MED13L: variants seen among roughly 807,000 people sequenced by gnomAD.
MED13L encodes the protein mediator complex subunit 13L, also known as mediator of RNA polymerase II transcription subunit 13-like.
A neutral mutation model predicts 220.9 loss-of-function variants in MED13L; 7 were observed. The ratio of observed to expected loss-of-function variants is 0.03; its 90% CI spans 0.02 to 0.06. The LOEUF (loss-of-function observed/expected upper bound fraction) is 0.06, where lower values mean the gene tolerates loss of function less well. MED13L is among the 10% of genes least tolerant of loss of function. The pLI is 1.00. For synonymous variants in MED13L, 1,011 were observed against 1,015.2 expected, an observed-to-expected ratio of 1.00 and a Z score of 0.08; for missense variants, 1,965 against 2,760.5, an observed-to-expected ratio of 0.71 and a Z score of 6.46.
At chr12:116,155,963 G>C (rs1224486459) in intron 2 of MED13L, among the ~76,000 whole-genome samples, 1 of 151,872 alleles carries the variant, frequency 6.6e-6, no homozygotes, top group Non-Finnish European at 1.5e-5. Context: ...CCATTATTGT[G>C]TATATAAATT....
intron 13 of MED13L, 131 bp from the exon 14 acceptor site, chr12:116,003,233 T>C (rs1878854528): frequency 1.4e-6 from 1 of 737,428 alleles, no homozygotes; most frequent in African/African-American, 1.7e-5. Flanking sequence ...CCTCTAGAAA[T>C]ACCAACAGAT....
intron 2 of MED13L, among the ~76,000 whole-genome samples, chr12:116,221,994 TA>T (rs1302656766): frequency 2.0e-5 from 3 of 152,208 alleles, no homozygotes; most frequent in Non-Finnish European, 4.4e-5. Context: ...ATAATTTAAC[TA>T]AGACTATATT....
intron 16 of MED13L, among the ~76,000 whole-genome samples, chr12:115,995,914 A>C (rs2137325450): frequency 6.6e-6 from 1 of 152,342 alleles, no homozygotes; most frequent in Non-Finnish European, 1.5e-5. Context: ...TATTACTTTT[A>C]CATCATCAAA....
intron 2 of MED13L, among the ~76,000 whole-genome samples, chr12:116,172,313 A>G (rs1879739791): frequency 6.6e-6 from 1 of 152,204 alleles, no homozygotes; most frequent in South Asian, 2.1e-4. Flanking sequence ...GAACACTAGC[A>G]TATGATTCAC....
At chr12:116,101,276 GGT>G (rs1247013373) in intron 3 of MED13L, among the ~76,000 whole-genome samples, 2 of 152,098 alleles carry the variant, frequency 1.3e-5, no homozygotes, top group African/African-American at 2.4e-5. Flanking sequence ...GAGTACAGAC[GGT>G]GTGTGTCTGT....
chr12:116,088,438 C>T (rs1456313538), intron 4 of MED13L, among the ~76,000 whole-genome samples: 1 of 152,098 alleles, frequency 6.6e-6, no homozygotes, highest in African/African-American at 2.4e-5. Context: ...GGTGACTTGC[C>T]CTCCCAAGGA....
chr12:116,046,273 C>T (rs189692761), intron 4 of MED13L, among the ~76,000 whole-genome samples: 33 of 151,936 alleles, frequency 2.2e-4, no homozygotes, highest in Admixed American at 1.4e-3. Flanking sequence ...AAAACAAAAA[C>T]ACAAAGATGT....
At position 116,190,766 on chromosome 12, in the gene MED13L, C is replaced by CT. The variant is rs201639339; in HGVS notation, c.310+46701dup. On this transcript the variant is annotated intron_variant, in intron 2 of 30. Transcript: ENST00000281928. ...TGACCTTGTCAATCAAAGTATGAGACTTTCCTATCCTGGGATGCTTCTGTT... is the reference window on the plus strand; with the variant it reads ...TGACCTTGTCAATCAAAGTATGAGACTTTTCCTATCCTGGGATGCTTCTGTT... Among the ~76,000 whole-genome samples, 39 of 152,194 alleles carry CT rather than the reference C, an allele frequency of 2.6e-4. No individual in the cohort carries two copies. The East Asian group carries it at 6.9e-3, about 27-fold the overall frequency.
Position 116,237,288 on chromosome 12 carries a change from G to A in MED13L, c.310+180C>T, listed in dbSNP as rs559588101. ...TCTCAGCATAACTGGAAAAGGACAA[G>A]AGTTAGGAAAAAAAAACAGGGATGG... is the stretch of plus-strand genomic sequence containing the variant. On this transcript the variant is annotated intron_variant, in intron 2 of 30. Coordinates refer to ENST00000281928, the MANE Select transcript of MED13L (RefSeq NM_015335.5). 8.5e-5 allele frequency among the ~76,000 whole-genome samples: 13 copies of A among 152,064 alleles called. No homozygotes were observed. The East Asian group carries it at 1.7e-3, about 20-fold the overall frequency.
intron 2 of MED13L, among the ~76,000 whole-genome samples, chr12:116,190,391 T>C (rs886513329): frequency 3.3e-5 from 5 of 152,264 alleles, no homozygotes; most frequent in African/African-American, 1.2e-4. Context: ...AGGAAATTAA[T>C]GAATTATTGC....
chr12:116,034,839 C>G (rs1355023465), intron 4 of MED13L, among the ~76,000 whole-genome samples: 1 of 152,114 alleles, frequency 6.6e-6, no homozygotes, highest in African/African-American at 2.4e-5. Flanking sequence ...AACCCTGTCT[C>G]TACTAAAAAT....
At chr12:116,253,753 G>GGT (rs1871783001) in intron 1 of MED13L, among the ~76,000 whole-genome samples, 2 of 76,492 alleles carry the variant, frequency 2.6e-5, no homozygotes, top group South Asian at 5.2e-4. Flanking sequence ...GGTTTTTTTT[G>GGT]TTTTTTTTTT....
chr12:116,144,967 G>T (rs1376135564), intron 2 of MED13L, among the ~76,000 whole-genome samples: 1 of 152,126 alleles, frequency 6.6e-6, no homozygotes, highest in Non-Finnish European at 1.5e-5. Context: ...CACTTATAAG[G>T]TAATTACGTG....
chr12:116,129,631 G>A lies in MED13L; in HGVS notation c.311-18119C>T, dbSNP rs577801305. Among the ~76,000 whole-genome samples the A allele has an allele frequency of 5.3e-4, 81 of 152,152 alleles. No individual in the cohort carries two copies. In the South Asian group the frequency reaches 7.3e-3, roughly 14 times the overall value. ...AAGATAGAAATGATCAGCACAGGCC[G>A]GGCACGGTGGCTCACGCCTGTAATC... On this transcript the variant is annotated intron_variant, in intron 2 of 30. Coordinates refer to ENST00000281928, the MANE Select transcript of MED13L (RefSeq NM_015335.5).
At position 116,091,711 on chromosome 12, in the gene MED13L, T is replaced by G. The variant is rs12322227; in HGVS notation, c.479+4958A>C. Among the ~76,000 whole-genome samples the G allele has an allele frequency of 6.0e-3, 918 of 152,330 alleles. 10 individuals are homozygous for G. The highest frequency in any genetic ancestry group is 0.022 in the African/African-American group (895 of 41,566). Reference sequence around the variant, plus strand: ...CTACTGCAATCTGAATTTCACCACTTGAAACTGCCAATGTTATAGTCACCA... The same window carrying G: ...CTACTGCAATCTGAATTTCACCACTGGAAACTGCCAATGTTATAGTCACCA... On this transcript the variant is annotated intron_variant, in intron 4 of 30. Transcript: ENST00000281928.
intron 1 of MED13L, among the ~76,000 whole-genome samples, chr12:116,250,190 T>C (rs1001168080): frequency 6.6e-6 from 1 of 151,864 alleles, no homozygotes; most frequent in African/African-American, 2.4e-5. Flanking sequence ...TCTGAAAATA[T>C]GCAGGCCAAA....
At chr12:116,034,111 A>C (rs770480043) in intron 4 of MED13L, among the ~76,000 whole-genome samples, 1 of 152,016 alleles carries the variant, frequency 6.6e-6, no homozygotes, top group Non-Finnish European at 1.5e-5. Context: ...TTACCTTTAA[A>C]GCCCCAGAAT....
At chr12:115,963,080 G>A (rs1875881746) in intron 30 of MED13L, among the ~76,000 whole-genome samples, 1 of 152,156 alleles carries the variant, frequency 6.6e-6, no homozygotes, top group African/African-American at 2.4e-5. Context: ...TTTTCAATGT[G>A]AGGTGCTTTA....
At chr12:116,263,156 T>C (rs1291043878) in intron 1 of MED13L, among the ~76,000 whole-genome samples, 2 of 152,138 alleles carry the variant, frequency 1.3e-5, no homozygotes, top group Admixed American at 1.3e-4. Context: ...GAAGTACCTT[T>C]TCTTATTTTT....
Sources: allele counts gnomAD v4.1 joint callset (sites outside exome capture counted in the v4.1 genomes callset), GRCh38; gene constraint gnomAD v4.1.1; transcripts MANE v1.5; gene names NCBI Gene and HGNC (gene_info 2026-07-23, HGNC 2026-07-21).